The following CMBL variants were observed in gnomAD, a reference collection of about 807,000 sequenced individuals.
CMBL encodes the protein carboxymethylenebutenolidase homolog (Pseudomonas).
In CMBL, 17 loss-of-function variants were observed where a neutral mutation model predicts 28.7. The ratio of observed to expected loss-of-function variants is 0.59; its 90% CI spans 0.41 to 0.89. The LOEUF (loss-of-function observed/expected upper bound fraction) is 0.89, where lower values mean the gene tolerates loss of function less well. Among genes scored for constraint, CMBL ranks in the 40% least tolerant of loss-of-function variants. The pLI is 0.00. For missense variants in CMBL, 310 were observed against 298.5 expected, an observed-to-expected ratio of 1.04 and a Z score of -0.28; for synonymous variants, 106 against 101.6, an observed-to-expected ratio of 1.04 and a Z score of -0.26.
chr5:10,287,225 T>C (rs1462154055), intron 3 of CMBL, among the ~76,000 whole-genome samples: 4 of 152,210 alleles, frequency 2.6e-5, no homozygotes, highest in African/African-American at 9.6e-5. Flanking sequence ...ATTGCAAAGA[T>C]ATGCAACCGA....
At chr5:10,282,816 G>A (rs999626001) in intron 4 of CMBL, among the ~76,000 whole-genome samples, 2 of 151,862 alleles carry the variant, frequency 1.3e-5, no homozygotes, top group Admixed American at 6.6e-5. Context: ...CAAAGCCTGG[G>A]CGCAGTGACT....
At chr5:10,296,140 AACTGAGGAAAC>A (rs1301899215) in intron 1 of CMBL, among the ~76,000 whole-genome samples, 1 of 152,230 alleles carries the variant, frequency 6.6e-6, no homozygotes, top group Non-Finnish European at 1.5e-5. Context: ...TGTATGGGTC[AACTGAGGAAAC>A]CGCTGTGACC....
intron 1 of CMBL, among the ~76,000 whole-genome samples, chr5:10,304,346 G>C (rs1299571729): frequency 6.6e-6 from 1 of 152,152 alleles, no homozygotes; most frequent in Non-Finnish European, 1.5e-5. Context: ...CTCCAGCCTG[G>C]GGGAGTGAAT....
chr5:10,303,768 T>A (rs1241203199), intron 1 of CMBL, among the ~76,000 whole-genome samples: 1 of 152,186 alleles, frequency 6.6e-6, no homozygotes, highest in Non-Finnish European at 1.5e-5. Flanking sequence ...CTAATCACCA[T>A]GAGGCTTTCT....
intron 4 of CMBL, 142 bp downstream of exon 4, chr5:10,286,212 G>C: frequency 1.2e-6 from 1 of 813,018 alleles, no homozygotes; most frequent in South Asian, 2.2e-5. Flanking sequence ...TCTATTTTCA[G>C]ATTCTTAAAA....
At chr5:10,296,698 A>G (rs1579476076) in intron 1 of CMBL, among the ~76,000 whole-genome samples, 1 of 152,188 alleles carries the variant, frequency 6.6e-6, no homozygotes, top group Non-Finnish European at 1.5e-5. Flanking sequence ...CTGAGAAGGA[A>G]CAGCCAGTGA....
At chr5:10,286,835 G>C (rs1256989148) in intron 3 of CMBL, among the ~76,000 whole-genome samples, 1 of 152,178 alleles carries the variant, frequency 6.6e-6, no homozygotes, top group East Asian at 1.9e-4. Flanking sequence ...CGTAAGACCC[G>C]AGTCCATGAT....
chr5:10,294,407 T>A (rs1012326615), intron 1 of CMBL, among the ~76,000 whole-genome samples: 2 of 151,480 alleles, frequency 1.3e-5, no homozygotes, highest in Admixed American at 1.3e-4. Flanking sequence ...CAAAAAAAAA[T>A]TCAAAACTTA....
At chr5:10,283,506 G>A (rs546195796) in intron 4 of CMBL, among the ~76,000 whole-genome samples, 24 of 152,152 alleles carry the variant, frequency 1.6e-4, no homozygotes, top group Non-Finnish European at 2.8e-4. Flanking sequence ...GGCCGGGCGA[G>A]GTGGCTCACA....
At chr5:10,295,587 G>T (rs749338142) in intron 1 of CMBL, among the ~76,000 whole-genome samples, 31 of 152,198 alleles carry the variant, frequency 2.0e-4, no homozygotes, top group Non-Finnish European at 4.0e-4. Context: ...GTTCACAAGT[G>T]CAGAGCCCTC....
At chr5:10,287,908 T>C (rs1353936426) in intron 3 of CMBL, among the ~76,000 whole-genome samples, 1 of 151,640 alleles carries the variant, frequency 6.6e-6, no homozygotes, top group African/African-American at 2.4e-5. Context: ...TTTTTTGTAT[T>C]TTTAGTAGAG....
At chr5:10,295,575 T>C (rs946770669) in intron 1 of CMBL, among the ~76,000 whole-genome samples, 6 of 152,178 alleles carry the variant, frequency 3.9e-5, no homozygotes, top group Admixed American at 1.3e-4. Context: ...GGAAGGCAAG[T>C]AGTTCACAAG....
rs569803350 is a variant in CMBL at position 10,291,243 on chromosome 5, C to T, written c.-19-462G>A. Among the ~76,000 whole-genome samples, 5 of 152,196 alleles carry T rather than the reference C, an allele frequency of 3.3e-5. No individual in the cohort carries two copies. In the South Asian group the frequency reaches 8.3e-4, roughly 25 times the overall value. Reference sequence around the variant, plus strand: ...TGTAAGAGACCCACGCCTGCAATGTCGAGCCCCAAAGGTTCATGTCTCACG... The same window carrying T: ...TGTAAGAGACCCACGCCTGCAATGTTGAGCCCCAAAGGTTCATGTCTCACG... On this transcript the variant is annotated intron_variant, in intron 1 of 5. Transcript: ENST00000296658.
intron 4 of CMBL, among the ~76,000 whole-genome samples, chr5:10,285,587 C>T (rs1317480510): frequency 1.3e-5 from 2 of 152,000 alleles, no homozygotes; most frequent in Admixed American, 1.3e-4. Context: ...CGTGAGTCAT[C>T]GCATCTGGCT....
intron 1 of CMBL, 134 bp from the exon 2 acceptor site, chr5:10,290,915 A>T (rs191769291): frequency 4.6e-5 from 31 of 666,802 alleles, no homozygotes; most frequent in Non-Finnish European, 6.9e-5. Flanking sequence ...TGAGAAACCA[A>T]TGGTAACTTC....
rs1006606235 is a variant in CMBL, at chr5:10,278,439, C to A, written c.*2014G>T. 3.3e-5 allele frequency among the ~76,000 whole-genome samples: 5 copies of A among 152,134 alleles called. No individual in the cohort carries two copies. Among genetic ancestry groups the A allele is most frequent in the Non-Finnish European group, 5.9e-5 (4 of 68,036 alleles). ...CATGCCGATATCCTACCCACACCGA[C>A]CCCTCTCAGTCACAGCGTGAGTCCC... On this transcript the variant is annotated 3_prime_UTR_variant, in exon 6 of 6. Coordinates refer to ENST00000296658, the MANE Select transcript of CMBL (RefSeq NM_138809.4).
At chr5:10,293,399 C>G (rs953565458) in intron 1 of CMBL, among the ~76,000 whole-genome samples, 1 of 152,150 alleles carries the variant, frequency 6.6e-6, no homozygotes, top group Non-Finnish European at 1.5e-5. Context: ...CTTGTGTCCT[C>G]ACGGGGTAGA....
chr5:10,279,415 G>T lies in CMBL; in HGVS notation c.*1038C>A, dbSNP rs1746456039. 1 of 152,160 alleles carries T rather than the reference G, an allele frequency of 6.6e-6. No individual in the cohort carries two copies. Among genetic ancestry groups the T allele is most frequent in the African/African-American group, 2.4e-5 (1 of 41,436 alleles). The allele number at this position is 152,160 out of a possible 1,614,324, so 9.4% of individuals were successfully genotyped here. On this transcript the variant is annotated 3_prime_UTR_variant, in exon 6 of 6. Coordinates refer to ENST00000296658, the MANE Select transcript of CMBL (RefSeq NM_138809.4). ...TGTGGCATAGATAAGTGTCTAAGCT[G>T]GGCAGTTAGTCTACCCGTTTATAGT...
intron 4 of CMBL, among the ~76,000 whole-genome samples, chr5:10,284,172 G>A (rs78364551): frequency 0.03 from 4,554 of 152,290 alleles, 241 homozygotes; most frequent in African/African-American, 0.1. Context: ...ACACAACAGC[G>A]GCCAGAAGGT....
Sources: allele counts gnomAD v4.1 joint callset (sites outside exome capture counted in the v4.1 genomes callset), GRCh38; gene constraint gnomAD v4.1.1; transcripts MANE v1.5; gene names NCBI Gene and HGNC (gene_info 2026-07-23, HGNC 2026-07-21).